The following DOCK3 variants were observed in gnomAD, a reference collection of about 807,000 sequenced individuals.
The protein encoded by DOCK3 is dedicator of cytokinesis 3, also known as dedicator of cytokinesis protein 3.
DOCK3 carries 60 observed loss-of-function variants against 265.6 expected under a neutral mutation model. The ratio of observed to expected loss-of-function variants is 0.23; its 90% CI spans 0.18 to 0.28. DOCK3 has a LOEUF of 0.28. Ranked by LOEUF, DOCK3 falls within the 10% of genes least tolerant of loss-of-function variation. DOCK3 has a pLI of 1.00. For missense variants in DOCK3, 1,981 were observed against 2,594.3 expected (o/e 0.76, Z 5.14); for synonymous variants, 881 against 938.0 (o/e 0.94, Z 1.11).
At position 51,133,433 on chromosome 3, in the gene DOCK3, G is replaced by A. The variant is rs1379849852; in HGVS notation, c.747-13116G>A. Among the ~76,000 whole-genome samples the A allele has an allele frequency of 4.6e-5, 7 of 151,340 alleles. No homozygotes were observed. In the East Asian group the frequency reaches 9.8e-4, roughly 21 times the overall value. ...GCAGTGTTTGGTTTTCTTTCCTTGC[G>A]ATAGTTTGCTCAGAATGATCGTTTC... is the stretch of plus-strand genomic sequence containing the variant. On this transcript the variant is annotated intron_variant, in intron 9 of 52. Coordinates refer to ENST00000266037, the MANE Select transcript of DOCK3 (RefSeq NM_004947.5).
chr3:50,872,190 G>A, intron 3 of DOCK3, among the ~76,000 whole-genome samples: 1 of 152,214 alleles, frequency 6.6e-6, no homozygotes, highest in East Asian at 1.9e-4. Flanking sequence ...TTCTTAGGAA[G>A]GCCTTCCAGA....
chr3:50,721,053 G>GT (rs1383774314), intron 1 of DOCK3, among the ~76,000 whole-genome samples: 3 of 150,654 alleles, frequency 2.0e-5, no homozygotes, highest in African/African-American at 7.3e-5. Flanking sequence ...TTTTTTGTTT[G>GT]TTTTTTGCTT....
chr3:51,261,277 G>T (rs1456767458), intron 23 of DOCK3, among the ~76,000 whole-genome samples: 1 of 151,986 alleles, frequency 6.6e-6, no homozygotes, highest in African/African-American at 2.4e-5. Flanking sequence ...AGCAGAAGGA[G>T]GGTGGGGCGT....
At chr3:51,335,470 G>T (rs995998877) in intron 35 of DOCK3, among the ~76,000 whole-genome samples, 1 of 152,098 alleles carries the variant, frequency 6.6e-6, no homozygotes, top group Admixed American at 6.5e-5. Context: ...TTACCTTTCC[G>T]TGCACACATT....
At chr3:50,788,815 T>C (rs1425658124) in intron 2 of DOCK3, among the ~76,000 whole-genome samples, 1 of 137,512 alleles carries the variant, frequency 7.3e-6, no homozygotes, top group African/African-American at 2.6e-5. Context: ...GGGGGGTGGG[T>C]GTGTGGATGT....
chr3:51,255,001 G>T (rs1321069281), intron 22 of DOCK3, among the ~76,000 whole-genome samples: 2 of 152,172 alleles, frequency 1.3e-5, no homozygotes, highest in African/African-American at 4.8e-5. Flanking sequence ...GTGGTGGCTG[G>T]TACCAGTTGT....
At chr3:51,116,303 T>C (rs1291524131) in intron 9 of DOCK3, among the ~76,000 whole-genome samples, 9 of 151,764 alleles carry the variant, frequency 5.9e-5, no homozygotes, top group Admixed American at 5.3e-4. Flanking sequence ...TACAAAAAAT[T>C]AGCTGGGCGT....
At chr3:51,247,671 C>T (rs914115378) in intron 22 of DOCK3, among the ~76,000 whole-genome samples, 2 of 152,252 alleles carry the variant, frequency 1.3e-5, no homozygotes, top group Middle Eastern at 6.8e-3. Flanking sequence ...TTGCACATTC[C>T]GTAAAAATCT....
chr3:50,901,636 C>A (rs13097480), intron 4 of DOCK3: 1 of 453,344 alleles, frequency 2.2e-6, no homozygotes, highest in Non-Finnish European at 4.4e-6. Context: ...GTGTGGATTG[C>A]GAGGACCATG....
intron 3 of DOCK3, among the ~76,000 whole-genome samples, chr3:50,889,741 T>C (rs2048553391): frequency 6.6e-6 from 1 of 152,092 alleles, no homozygotes; most frequent in Non-Finnish European, 1.5e-5. Context: ...AGTGAATTGA[T>C]GGACCATCTC....
intron 5 of DOCK3, among the ~76,000 whole-genome samples, chr3:51,053,298 T>G (rs1357904499): frequency 1.3e-5 from 2 of 151,214 alleles, no homozygotes; most frequent in Non-Finnish European, 2.9e-5. Flanking sequence ...TATCTTGACT[T>G]TTCTATTTAA....
intron 9 of DOCK3, among the ~76,000 whole-genome samples, chr3:51,127,810 A>T (rs1347394125): frequency 1.3e-5 from 2 of 152,072 alleles, no homozygotes; most frequent in African/African-American, 4.8e-5. Context: ...CCAAACCTTC[A>T]TTCCTGAGGG....
intron 5 of DOCK3, among the ~76,000 whole-genome samples, chr3:50,978,896 T>G (rs2077583119): frequency 6.6e-6 from 1 of 152,028 alleles, no homozygotes; most frequent in Non-Finnish European, 1.5e-5. Context: ...CGGGTGGGAG[T>G]GACCCGATTT....
intron 2 of DOCK3, among the ~76,000 whole-genome samples, chr3:50,782,498 G>A (rs1012193943): frequency 2.7e-4 from 41 of 151,382 alleles, no homozygotes; most frequent in Non-Finnish European, 5.9e-4. Flanking sequence ...CACCTTGTTA[G>A]CCAGGATGGT....
In DOCK3 at chr3:51,341,304, C is replaced by A. The variant is rs1045080246; in HGVS notation, c.3834C>A (p.Phe1278Leu). 1.2e-6 allele frequency: 2 copies of A among 1,612,870 alleles called. No individual in the cohort carries two copies. The highest frequency in any genetic ancestry group is 1.7e-6 in the Non-Finnish European group (2 of 1,179,306). Reference sequence around the variant, plus strand: ...GGGAGGACCGGCCACTACGGGAATTCCTCCACTACCCATCGCAGACAGAGT... The same window carrying A: ...GGGAGGACCGGCCACTACGGGAATTACTCCACTACCCATCGCAGACAGAGT... ...LQWEDRPLRE[F>L]LHYPSQTEWQ... Residue 1278 changes from phenylalanine (F) to leucine (L), a missense_variant, in exon 38 of 53, where the codon TTC (phenylalanine) becomes TTA (leucine). Phe to Leu is a conservative substitution (Grantham distance 22). This residue lies in a region of DOCK3 where 1,357 missense variants were observed against 1,866.8 expected (regional missense o/e 0.73). Coordinates refer to ENST00000266037, the MANE Select transcript of DOCK3 (RefSeq NM_004947.5).
intron 9 of DOCK3, among the ~76,000 whole-genome samples, chr3:51,113,185 A>T (rs1277862089): frequency 6.6e-6 from 1 of 152,094 alleles, no homozygotes; most frequent in African/African-American, 2.4e-5. Flanking sequence ...GGATAAATAT[A>T]TATATATATA....
intron 5 of DOCK3, among the ~76,000 whole-genome samples, chr3:50,968,706 C>A (rs1032224892): frequency 6.6e-6 from 1 of 152,054 alleles, no homozygotes; most frequent in Non-Finnish European, 1.5e-5. Context: ...TGCACCACCA[C>A]GCCCAGCTAA....
At chr3:50,795,847 A>C (rs1376964021) in intron 2 of DOCK3, among the ~76,000 whole-genome samples, 1 of 152,104 alleles carries the variant, frequency 6.6e-6, no homozygotes, top group African/African-American at 2.4e-5. Context: ...CAGGTCAGTT[A>C]CATTCTTTTC....
chr3:50,900,348 A>C (rs997548663), intron 4 of DOCK3, among the ~76,000 whole-genome samples: 1 of 152,078 alleles, frequency 6.6e-6, no homozygotes, highest in African/African-American at 2.4e-5. Context: ...ATTCTTCTTT[A>C]AACCAGTTAT....
Sources: allele counts gnomAD v4.1 joint callset (sites outside exome capture counted in the v4.1 genomes callset), GRCh38; gene constraint gnomAD v4.1.1; regional missense constraint gnomAD v4.1.1; transcripts MANE v1.5; gene names NCBI Gene and HGNC (gene_info 2026-07-23, HGNC 2026-07-21).